The following THSD7A variants were observed in gnomAD, a reference collection of about 807,000 sequenced individuals.
The protein encoded by THSD7A is thrombospondin type 1 domain containing 7A, also known as thrombospondin type-1 domain-containing protein 7A.
THSD7A carries 96 observed loss-of-function variants against 231.3 expected under a neutral mutation model. The ratio of observed to expected loss-of-function variants is 0.41; its 90% confidence interval spans 0.35 to 0.49. The LOEUF is 0.49. THSD7A is among the 20% of genes least tolerant of loss of function. The pLI, the probability that THSD7A is intolerant of heterozygous loss-of-function variation, is 0.05. For synonymous variants in THSD7A, 940 were observed against 743.3 expected, an observed-to-expected ratio of 1.26 and a Z score of -4.30; for missense variants, 2,290 against 2,070.2, an observed-to-expected ratio of 1.11 and a Z score of -2.06.
At position 11,738,314 on chromosome 7, in the gene THSD7A, G is replaced by T. The variant is rs143853596; in HGVS notation, c.190+93443C>A. Among the ~76,000 whole-genome samples the T allele has an allele frequency of 7.8e-3, 1,191 of 151,972 alleles. 13 individuals carry two copies. Among genetic ancestry groups the T allele is most frequent in the Non-Finnish European group, 8.1e-3 (549 of 67,936 alleles). ...CTCAATAAGTTTTGTTTCTTCAAGC[G>T]TTTCAGATTTCAGTGTTTTCTGATT... On this transcript the variant is annotated intron_variant, in intron 1 of 27. Coordinates refer to ENST00000423059, the MANE Select transcript of THSD7A (RefSeq NM_015204.3).
intron 2 of THSD7A, among the ~76,000 whole-genome samples, chr7:11,623,875 T>C (rs1366035069): frequency 1.3e-5 from 2 of 152,180 alleles, no homozygotes; most frequent in Non-Finnish European, 2.9e-5. Context: ...TCCCTGACTT[T>C]CGTCTATTGA....
At chr7:11,722,771 A>T (rs1213929508) in intron 1 of THSD7A, among the ~76,000 whole-genome samples, 2 of 152,044 alleles carry the variant, frequency 1.3e-5, no homozygotes, top group Non-Finnish European at 2.9e-5. Flanking sequence ...TCAAAACCAC[A>T]ATGAGATACC....
chr7:11,674,844 T>G (rs149060396), intron 1 of THSD7A, among the ~76,000 whole-genome samples: 1 of 151,958 alleles, frequency 6.6e-6, no homozygotes, highest in Non-Finnish European at 1.5e-5. Context: ...AGACACAGAA[T>G]TGAGAATATG....
rs546122276 is a variant in THSD7A at position 11,759,088 on chromosome 7, G to T, written c.190+72669C>A. On this transcript the variant is annotated intron_variant, in intron 1 of 27. Transcript: ENST00000423059. ...AGAAAATAAGCCAAAAGACGTCAAA[G>T]AATTCCAATAGCTAATGTTCCAAGA... Among the ~76,000 whole-genome samples, 27 of 152,060 alleles carry T rather than the reference G, an allele frequency of 1.8e-4. No individual in the cohort carries two copies. The South Asian group carries it at 2.5e-3, about 14-fold the overall frequency.
At chr7:11,381,354 T>C (rs7810604) in intron 24 of THSD7A, among the ~76,000 whole-genome samples, 62,793 of 152,052 alleles carry the variant, frequency 0.41, 13,747 homozygotes, top group African/African-American at 0.55. Flanking sequence ...TATAAAATCA[T>C]ATCTTCACAA....
At chr7:11,592,785 T>C (rs1184449935) in intron 3 of THSD7A, among the ~76,000 whole-genome samples, 1 of 152,206 alleles carries the variant, frequency 6.6e-6, no homozygotes, top group Admixed American at 6.5e-5. Context: ...CGATAATCTA[T>C]ATTTGGAAAG....
chr7:11,423,409 C>T (rs1239191477), intron 16 of THSD7A, among the ~76,000 whole-genome samples: 1 of 145,740 alleles, frequency 6.9e-6, no homozygotes, highest in East Asian at 2.0e-4. Flanking sequence ...CGCTCTGTCC[C>T]CCAGGCTGGA....
chr7:11,497,885 G>T (rs1312442519), intron 6 of THSD7A, among the ~76,000 whole-genome samples: 1 of 152,160 alleles, frequency 6.6e-6, no homozygotes, highest in Non-Finnish European at 1.5e-5. Flanking sequence ...CCTGCCCAGG[G>T]AAGTGATGAG....
intron 23 of THSD7A, chr7:11,384,902 A>G (rs1195792390): frequency 6.6e-6 from 1 of 151,992 alleles, no homozygotes; most frequent in Non-Finnish European, 1.5e-5. Flanking sequence ...CATAGATTTT[A>G]TAGGTAAATC....
At position 11,377,900 on chromosome 7, in the gene THSD7A, T is replaced by C. The variant is rs1782342585; in HGVS notation, c.4801+1170A>G. The C allele has an allele frequency of 6.6e-6, 1 of 151,990 alleles. No homozygotes were observed. Among genetic ancestry groups the C allele is most frequent in the African/African-American group, 2.4e-5 (1 of 41,392 alleles). The allele number at this position is 151,990 out of a possible 1,614,324, so 9.4% of individuals were successfully genotyped here. A position where few individuals can be genotyped will look rare whatever the true frequency, so the allele number is the denominator to read the frequency against. On this transcript the variant is annotated intron_variant, in intron 26 of 27. Transcript: ENST00000423059. The surrounding 1 kb of genome is among the most constrained non-coding windows in gnomAD (Gnocchi z 4.5). The stretch of plus-strand genomic sequence containing the variant: ...AAGGACTGGTTTTGATCTGAGGAGA[T>C]CTGCTTCAATTCTTAGTGAAGGTCA...
chr7:11,466,306 T>C (rs1432716865), intron 9 of THSD7A, among the ~76,000 whole-genome samples: 3 of 152,182 alleles, frequency 2.0e-5, no homozygotes, highest in African/African-American at 4.8e-5. Context: ...TGTGTGTAAA[T>C]TGGTGTAATT....
At chr7:11,731,367 T>C (rs185564669) in intron 1 of THSD7A, among the ~76,000 whole-genome samples, 3 of 151,654 alleles carry the variant, frequency 2.0e-5, no homozygotes, top group African/African-American at 7.2e-5. Context: ...AGAAAATAGA[T>C]TCTTCTTAAT....
chr7:11,581,923 T>C (rs906484280), intron 4 of THSD7A, among the ~76,000 whole-genome samples: 2 of 152,118 alleles, frequency 1.3e-5, no homozygotes, highest in African/African-American at 4.8e-5. Flanking sequence ...CTTACATATT[T>C]TCCAGCGGTG....
intron 4 of THSD7A, among the ~76,000 whole-genome samples, chr7:11,549,734 A>C (rs563728525): frequency 2.8e-4 from 42 of 152,146 alleles, no homozygotes; most frequent in African/African-American, 1.0e-3. Context: ...CAATGAGGAC[A>C]CAGGGAGGGG....
At chr7:11,564,958 G>C (rs1284508797) in intron 4 of THSD7A, among the ~76,000 whole-genome samples, 2 of 152,222 alleles carry the variant, frequency 1.3e-5, no homozygotes, top group Non-Finnish European at 2.9e-5. Flanking sequence ...TTCACAAATT[G>C]TATCAACAGC....
chr7:11,609,649 T>A (rs1242408520), intron 2 of THSD7A, among the ~76,000 whole-genome samples: 1 of 152,102 alleles, frequency 6.6e-6, no homozygotes, highest in African/African-American at 2.4e-5. Context: ...TAGGTGAATA[T>A]TCATTAGGAT....
At chr7:11,817,210 T>C (rs1392097927) in intron 1 of THSD7A, among the ~76,000 whole-genome samples, 1 of 152,142 alleles carries the variant, frequency 6.6e-6, no homozygotes, top group African/African-American at 2.4e-5. Flanking sequence ...GGAAGTCTGA[T>C]CACTCATCGT....
chr7:11,687,862 GTTTC>G (rs1780106083), intron 1 of THSD7A, among the ~76,000 whole-genome samples: 2 of 150,178 alleles, frequency 1.3e-5, no homozygotes, highest in Admixed American at 6.6e-5. Context: ...CATCTGGGGT[GTTTC>G]TTTTTTTTTT....
chr7:11,634,330 G>A lies in THSD7A; in HGVS notation c.1022+1800C>T, dbSNP rs1228548169. ...ACTGGATGAGAATATTAGGCTCTAT[G>A]CAATGGTAGCTACTAACCTAATTAC... On this transcript the variant is annotated intron_variant, in intron 2 of 27. Transcript: ENST00000423059. This position sits in a 1 kb window ranked among gnomAD's most constrained non-coding sequence, Gnocchi z 4.1. Among the ~76,000 whole-genome samples the A allele has an allele frequency of 6.6e-6, 1 of 152,104 alleles. No individual in the cohort carries two copies. The highest frequency in any genetic ancestry group is 2.4e-5 in the African/African-American group (1 of 41,422).
Sources: allele counts gnomAD v4.1 joint callset (sites outside exome capture counted in the v4.1 genomes callset), GRCh38; gene constraint gnomAD v4.1.1; non-coding constraint Gnocchi (gnomAD v3.1); transcripts MANE v1.5; gene names NCBI Gene and HGNC (gene_info 2026-07-23, HGNC 2026-07-21).